The following AGAP1 variants were observed in gnomAD, a reference collection of about 807,000 sequenced individuals.
The protein encoded by AGAP1 is ArfGAP with GTPase domain, ankyrin repeat and PH domain 1, also known as arf-GAP with GTPase, ANK repeat and PH domain-containing protein 1.
A neutral mutation model predicts 105.3 loss-of-function variants in AGAP1; 29 were observed. That is an observed-to-expected ratio of 0.28 (90% CI 0.21 to 0.38). The LOEUF is 0.38. Among genes scored for constraint, AGAP1 ranks in the 10% least tolerant of loss-of-function variants. The pLI is 1.00. For missense variants in AGAP1, 998 were observed against 1,165.1 expected, an observed-to-expected ratio of 0.86 and a Z score of 2.09; for synonymous variants, 509 against 485.9, an observed-to-expected ratio of 1.05 and a Z score of -0.63.
chr2:235,639,612 G>T lies in AGAP1; in HGVS notation c.164-69567G>T, dbSNP rs73999013. Among the ~76,000 whole-genome samples the T allele has an allele frequency of 6.6e-6, 1 of 152,100 alleles. No individual in the cohort carries two copies. The highest frequency in any genetic ancestry group is 1.5e-5 in the Non-Finnish European group (1 of 68,018). On this transcript the variant is annotated intron_variant, in intron 1 of 17. Transcript: ENST00000304032. This position sits in a 1 kb window ranked among gnomAD's most constrained non-coding sequence, Gnocchi z 5.3. Reference sequence around the variant, plus strand: ...CTCTCTGGCCTTTATTGGTCAAGCTGCCTGCTGTGTTTCTGGTGCCCAAAT... The same window carrying T: ...CTCTCTGGCCTTTATTGGTCAAGCTTCCTGCTGTGTTTCTGGTGCCCAAAT...
At chr2:235,518,340 T>G (rs1245092385) in intron 1 of AGAP1, among the ~76,000 whole-genome samples, 1 of 152,244 alleles carries the variant, frequency 6.6e-6, no homozygotes, top group Non-Finnish European at 1.5e-5. Flanking sequence ...GACAGTGATC[T>G]CTGAATGCTT....
At chr2:235,593,528 A>G (rs922388039) in intron 1 of AGAP1, among the ~76,000 whole-genome samples, 2 of 152,178 alleles carry the variant, frequency 1.3e-5, no homozygotes, top group African/African-American at 4.8e-5. Flanking sequence ...TTTTTGCTTC[A>G]TTTAAACAAA....
Position 235,750,481 on chromosome 2 carries a change from C to T in AGAP1, c.666C>T (p.Phe222=), listed in dbSNP as rs2149711502. Residue 222 remains phenylalanine, a synonymous_variant, in exon 6 of 18, where the codon TTC becomes TTT. Coordinates refer to ENST00000304032, the MANE Select transcript of AGAP1 (RefSeq NM_001037131.3). This position sits in a 1 kb window ranked among gnomAD's most constrained non-coding sequence, Gnocchi z 5.3. ...ACGGGCTGAATGTGGAGAGGGTCTT[C>T]CAGGACGGTAAATGCGCGTGGCTGG... ...ATYGLNVERV[F]QDVAQKIVAT... 6.2e-7 allele frequency: 1 copy of T among 1,614,134 alleles called. No homozygotes were observed. Among genetic ancestry groups the T allele is most frequent in the Non-Finnish European group, 8.5e-7 (1 of 1,180,000 alleles).
intron 16 of AGAP1, among the ~76,000 whole-genome samples, chr2:236,099,963 CCG>C (rs1434965402): frequency 6.6e-6 from 1 of 152,056 alleles, no homozygotes; most frequent in Non-Finnish European, 1.5e-5. Flanking sequence ...TTGGTTGAAC[CCG>C]GGAGGCAGAG....
rs1559266088 is a variant in AGAP1, at chr2:235,582,883, T to A, written c.163+88034T>A. Among the ~76,000 whole-genome samples the A allele has an allele frequency of 6.6e-6, 1 of 152,230 alleles. No homozygotes were observed. Among genetic ancestry groups the A allele is most frequent in the Admixed American group, 6.5e-5 (1 of 15,290 alleles). On this transcript the variant is annotated intron_variant, in intron 1 of 17. Coordinates refer to ENST00000304032, the MANE Select transcript of AGAP1 (RefSeq NM_001037131.3). This position sits in a 1 kb window ranked among gnomAD's most constrained non-coding sequence, Gnocchi z 4.7. ...GAGGCAGCACTGGCAAGGATTTTGG[T>A]GAGCCTTTGATGGAGTGTGTTCCGG...
At chr2:235,808,048 A>G (rs1032951509) in intron 9 of AGAP1, among the ~76,000 whole-genome samples, 2 of 152,130 alleles carry the variant, frequency 1.3e-5, no homozygotes, top group Non-Finnish European at 2.9e-5. Context: ...CAATAAGAAA[A>G]AAAAAAAACC....
At chr2:235,641,226 C>T (rs182217881) in intron 1 of AGAP1, among the ~76,000 whole-genome samples, 59 of 152,246 alleles carry the variant, frequency 3.9e-4, no homozygotes, top group African/African-American at 1.3e-3. Flanking sequence ...AAATTACCCT[C>T]TAATGTTACA....
At chr2:235,616,438 G>A (rs1366249555) in intron 1 of AGAP1, among the ~76,000 whole-genome samples, 1 of 152,060 alleles carries the variant, frequency 6.6e-6, no homozygotes, top group Non-Finnish European at 1.5e-5. Flanking sequence ...TGTTGGTGAA[G>A]GTGATGGAAA....
Position 235,695,769 on chromosome 2 carries a change from A to G in AGAP1, c.164-13410A>G, listed in dbSNP as rs78183707. ...GCAGGGGCACAAAGAAACCATGCGT[A>G]TTCACAGGAGCATCTGAGCTCCAAG... is the stretch of plus-strand genomic sequence containing the variant. On this transcript the variant is annotated intron_variant, in intron 1 of 17. Transcript: ENST00000304032. Among the ~76,000 whole-genome samples the G allele has an allele frequency of 3.7e-3, 564 of 152,300 alleles. 4 individuals carry two copies. The highest frequency in any genetic ancestry group is 0.012 in the African/African-American group (482 of 41,586).
intron 1 of AGAP1, among the ~76,000 whole-genome samples, chr2:235,702,619 G>A (rs10166654): frequency 0.17 from 26,246 of 152,192 alleles, 2,620 homozygotes; most frequent in East Asian, 0.41. Context: ...TTTGGTATAT[G>A]TTGGTAGTCA....
At chr2:235,871,472 G>A (rs921869019) in intron 9 of AGAP1, among the ~76,000 whole-genome samples, 12 of 152,094 alleles carry the variant, frequency 7.9e-5, no homozygotes, top group Admixed American at 7.2e-4. Context: ...CTGTTCTGCC[G>A]GCCCCATTTC....
At chr2:235,726,646 CCAGGAA>C (rs1452540869) in intron 3 of AGAP1, among the ~76,000 whole-genome samples, 4 of 152,182 alleles carry the variant, frequency 2.6e-5, no homozygotes, top group African/African-American at 9.7e-5. Context: ...AGCTCCAGGT[CCAGGAA>C]ACCAGATTAT....
At chr2:235,554,486 C>T (rs575085772) in intron 1 of AGAP1, among the ~76,000 whole-genome samples, 2 of 152,152 alleles carry the variant, frequency 1.3e-5, no homozygotes, top group Non-Finnish European at 2.9e-5. Context: ...AATCAGAAGC[C>T]CCTGCTGCAT....
Position 235,927,674 on chromosome 2 carries a change from C to T in AGAP1, c.1325-3091C>T, listed in dbSNP as rs553909608. On this transcript the variant is annotated intron_variant, in intron 11 of 17. Coordinates refer to ENST00000304032, the MANE Select transcript of AGAP1 (RefSeq NM_001037131.3). The surrounding 1 kb of genome is among the most constrained non-coding windows in gnomAD (Gnocchi z 4.4). Reference sequence around the variant, plus strand: ...GATACTTACTTCTGGAGCTTTATTGCAAGTAGTCAGTGATGGATGCACTGA... The same window carrying T: ...GATACTTACTTCTGGAGCTTTATTGTAAGTAGTCAGTGATGGATGCACTGA... Among the ~76,000 whole-genome samples the T allele has an allele frequency of 1.5e-3, 230 of 152,256 alleles. 1 individual carries two copies. Among genetic ancestry groups the T allele is most frequent in the Admixed American group, 2.5e-3 (38 of 15,300 alleles).
At chr2:235,605,826 A>C (rs1438951233) in intron 1 of AGAP1, among the ~76,000 whole-genome samples, 1 of 152,228 alleles carries the variant, frequency 6.6e-6, no homozygotes, top group African/African-American at 2.4e-5. Flanking sequence ...AGTATAGAGG[A>C]CGCGGTGTAC....
intron 3 of AGAP1, among the ~76,000 whole-genome samples, chr2:235,722,295 G>T (rs770886435): frequency 3.9e-5 from 6 of 152,194 alleles, no homozygotes; most frequent in Non-Finnish European, 7.3e-5. Flanking sequence ...TGACGGGGTT[G>T]GTCCTTCTGC....
intron 1 of AGAP1, among the ~76,000 whole-genome samples, chr2:235,539,372 A>T (rs183347676): frequency 6.6e-6 from 1 of 152,274 alleles, no homozygotes; most frequent in East Asian, 1.9e-4. Flanking sequence ...TTCTGATTGA[A>T]TCCCACGCCC....
chr2:235,702,594 T>C (rs1009323329), intron 1 of AGAP1, among the ~76,000 whole-genome samples: 1 of 152,214 alleles, frequency 6.6e-6, no homozygotes, highest in Non-Finnish European at 1.5e-5. Context: ...CAGGATTACT[T>C]CCCATTCTAG....
At chr2:235,585,527 G>A (rs1159858506) in intron 1 of AGAP1, among the ~76,000 whole-genome samples, 1 of 152,166 alleles carries the variant, frequency 6.6e-6, no homozygotes, top group Non-Finnish European at 1.5e-5. Flanking sequence ...GAGTCTGTGG[G>A]CATCTCTGGG....
Sources: allele counts gnomAD v4.1 joint callset (sites outside exome capture counted in the v4.1 genomes callset), GRCh38; gene constraint gnomAD v4.1.1; non-coding constraint Gnocchi (gnomAD v3.1); transcripts MANE v1.5; gene names NCBI Gene and HGNC (gene_info 2026-07-23, HGNC 2026-07-21).